ADAM12: variants seen among roughly 807,000 people sequenced by gnomAD.
ADAM12 encodes the protein ADAM metallopeptidase domain 12.
In ADAM12, 70 loss-of-function variants were observed where a neutral mutation model predicts 106.4. That is an observed-to-expected ratio of 0.66 (90% CI 0.54 to 0.80). The LOEUF is 0.80. ADAM12 is among the 30% of genes least tolerant of loss of function. The pLI is 0.00. For missense variants in ADAM12, 1,010 were observed against 1,171.9 expected (o/e 0.86, Z 2.02); for synonymous variants, 420 against 433.5 (o/e 0.97, Z 0.39).
At chr10:126,138,966 C>A (rs1214925741) in intron 4 of ADAM12, among the ~76,000 whole-genome samples, 1 of 152,174 alleles carries the variant, frequency 6.6e-6, no homozygotes, top group Non-Finnish European at 1.5e-5. Context: ...TTTGTTGAAA[C>A]ACCTACTCTT....
At chr10:126,217,976 C>CA (rs35149158) in intron 3 of ADAM12, among the ~76,000 whole-genome samples, 3,354 of 107,580 alleles carry the variant, frequency 0.031, 161 homozygotes, top group East Asian at 0.19. Context: ...CTCTGTCTCT[C>CA]AAAAAAAAAA....
chr10:126,089,053 G>T (rs748185202), intron 11 of ADAM12, among the ~76,000 whole-genome samples: 1 of 151,962 alleles, frequency 6.6e-6, no homozygotes, highest in Non-Finnish European at 1.5e-5. Context: ...CACGCTGCCC[G>T]CCCCAACTCC....
chr10:126,358,012 A>C (rs944173865), intron 1 of ADAM12, among the ~76,000 whole-genome samples: 5 of 152,082 alleles, frequency 3.3e-5, no homozygotes, highest in African/African-American at 1.2e-4. Context: ...AGGCAGACAA[A>C]CACCTCAAAA....
At chr10:126,081,697 C>A (rs1955220902) in intron 11 of ADAM12, among the ~76,000 whole-genome samples, 1 of 152,172 alleles carries the variant, frequency 6.6e-6, no homozygotes, top group Non-Finnish European at 1.5e-5. Flanking sequence ...TACCTCATTG[C>A]ACTGAAGTGG....
chr10:126,276,360 G>C lies in ADAM12; in HGVS notation c.260+2555C>G, dbSNP rs530916490. On this transcript the variant is annotated intron_variant, in intron 3 of 22. Coordinates refer to ENST00000448723, the MANE Select transcript of ADAM12 (RefSeq NM_001288973.2). The stretch of plus-strand genomic sequence containing the variant: ...CGGACTTGACTCTATTGGGCCAATG[G>C]CTATGCAAATTTAAAATTCTATTAT... 7.9e-4 allele frequency among the ~76,000 whole-genome samples: 120 copies of C among 152,282 alleles called. 1 individual carries two copies. Among genetic ancestry groups the C allele is most frequent in the African/African-American group, 2.8e-3 (116 of 41,542 alleles).
At chr10:126,314,900 A>G (rs937660628) in intron 2 of ADAM12, among the ~76,000 whole-genome samples, 2 of 152,160 alleles carry the variant, frequency 1.3e-5, no homozygotes, top group Admixed American at 6.5e-5. Flanking sequence ...GAGGCTTTCT[A>G]TGGAAGGAAA....
chr10:126,139,931 T>C (rs912673035), intron 4 of ADAM12, among the ~76,000 whole-genome samples: 5 of 134,184 alleles, frequency 3.7e-5, no homozygotes, highest in African/African-American at 1.0e-4. Context: ...AGGGGAAGCA[T>C]GATAATTCTC....
intron 21 of ADAM12, among the ~76,000 whole-genome samples, chr10:126,031,435 G>A (rs962127168): frequency 2.2e-4 from 33 of 152,148 alleles, no homozygotes; most frequent in African/African-American, 7.5e-4. Flanking sequence ...TTGAAAGTTT[G>A]GACTTAACCT....
At chr10:126,371,209 A>G (rs1168090326) in intron 1 of ADAM12, among the ~76,000 whole-genome samples, 1 of 152,214 alleles carries the variant, frequency 6.6e-6, no homozygotes, top group African/African-American at 2.4e-5. Context: ...AAGCTACTGA[A>G]CCAGTGCTAG....
chr10:126,268,343 C>G (rs7921329), intron 3 of ADAM12, among the ~76,000 whole-genome samples: 28 of 152,178 alleles, frequency 1.8e-4, no homozygotes, highest in African/African-American at 6.8e-4. Context: ...TTTCATTTTA[C>G]GTATGCCACA....
chr10:126,231,268 T>C (rs1446623014), intron 3 of ADAM12, among the ~76,000 whole-genome samples: 3 of 152,214 alleles, frequency 2.0e-5, no homozygotes, highest in Non-Finnish European at 4.4e-5. Context: ...CTATATTTTT[T>C]TCTTCTCTGT....
intron 4 of ADAM12, among the ~76,000 whole-genome samples, chr10:126,137,108 G>A (rs1956419633): frequency 6.6e-6 from 1 of 152,000 alleles, no homozygotes; most frequent in Non-Finnish European, 1.5e-5. Context: ...ATTAATTTTT[G>A]TGGGACTGTG....
At chr10:126,251,784 T>TGGAC (rs1565168552) in intron 3 of ADAM12, among the ~76,000 whole-genome samples, 4 of 136,788 alleles carry the variant, frequency 2.9e-5, no homozygotes, top group Non-Finnish European at 4.6e-5. Flanking sequence ...ATGAATGGAT[T>TGGAC]GGATGGATGG....
chr10:126,079,794 G>A (rs550322652), intron 11 of ADAM12, among the ~76,000 whole-genome samples: 12 of 152,270 alleles, frequency 7.9e-5, no homozygotes, highest in African/African-American at 2.4e-4. Flanking sequence ...TTGAAAACCT[G>A]ACCTGATTTT....
At chr10:126,028,774 A>G (rs926434909) in intron 21 of ADAM12, among the ~76,000 whole-genome samples, 2 of 152,040 alleles carry the variant, frequency 1.3e-5, no homozygotes, top group African/African-American at 4.8e-5. Flanking sequence ...ATCAAGAGCA[A>G]AAATTGACAA....
chr10:126,086,902 G>A (rs1220727606), intron 11 of ADAM12, among the ~76,000 whole-genome samples: 1 of 150,576 alleles, frequency 6.6e-6, no homozygotes, highest in Non-Finnish European at 1.5e-5. Context: ...GTTTGGTAGT[G>A]TGCACCTGTA....
chr10:126,108,804 A>G (rs1205348808), intron 7 of ADAM12, 140 bp from the exon 8 acceptor site: 2 of 738,112 alleles, frequency 2.7e-6, no homozygotes, highest in Non-Finnish European at 4.4e-6. Context: ...ATGAGCTTGC[A>G]TCCTGCCGAC....
At chr10:126,057,496 G>A (rs906030045) in intron 14 of ADAM12, among the ~76,000 whole-genome samples, 5 of 152,054 alleles carry the variant, frequency 3.3e-5, no homozygotes, top group Admixed American at 6.5e-5. Context: ...TGAGGAACAC[G>A]GATGTTTAAA....
At chr10:126,274,163 C>A (rs1959197539) in intron 3 of ADAM12, among the ~76,000 whole-genome samples, 2 of 152,152 alleles carry the variant, frequency 1.3e-5, no homozygotes, top group Non-Finnish European at 2.9e-5. Context: ...CGCTGTCCTA[C>A]CCCTGACCGT....
Sources: allele counts gnomAD v4.1 joint callset (sites outside exome capture counted in the v4.1 genomes callset), GRCh38; gene constraint gnomAD v4.1.1; transcripts MANE v1.5; gene names NCBI Gene and HGNC (gene_info 2026-07-23, HGNC 2026-07-21).